SAMMSON: variants seen among roughly 807,000 people sequenced by gnomAD.
SAMMSON encodes long intergenic non-protein coding RNA 1212.
chr3:70,398,568 GA>G (rs1701111690), intron 2 of SAMMSON, among the ~76,000 whole-genome samples: 1 of 152,168 alleles, frequency 6.6e-6, no homozygotes, highest in African/African-American at 2.4e-5. Context: ...AGTTTAAGTA[GA>G]TAGAAGATAT....
intron 3 of SAMMSON, among the ~76,000 whole-genome samples, chr3:70,049,048 T>A (rs962248898): frequency 6.6e-6 from 1 of 152,142 alleles, no homozygotes; most frequent in Admixed American, 6.6e-5. Context: ...AGATAAAAGA[T>A]CAAAGAGACA....
intron 3 of SAMMSON, among the ~76,000 whole-genome samples, chr3:70,026,302 C>T (rs2067036770): frequency 1.3e-5 from 2 of 151,944 alleles, no homozygotes; most frequent in South Asian, 2.1e-4. Flanking sequence ...AGTTGTTAGC[C>T]GATTGAATAT....
intron 3 of SAMMSON, among the ~76,000 whole-genome samples, chr3:70,058,647 G>T (rs1041117808): frequency 6.6e-6 from 1 of 152,038 alleles, no homozygotes; most frequent in East Asian, 1.9e-4. Context: ...GATAATTGCA[G>T]TTATAAAATG....
intron 4 of SAMMSON, among the ~76,000 whole-genome samples, chr3:70,160,835 A>C (rs1353981197): frequency 6.6e-6 from 1 of 152,116 alleles, no homozygotes; most frequent in African/African-American, 2.4e-5. Context: ...GATATAGAAT[A>C]TCTCTCCATT....
intron 3 of SAMMSON, among the ~76,000 whole-genome samples, chr3:70,041,187 A>G (rs1156467550): frequency 1.3e-5 from 2 of 152,134 alleles, no homozygotes; most frequent in Non-Finnish European, 2.9e-5. Context: ...TGTCCAGTGT[A>G]AAAAGTTCCC....
At chr3:70,287,069 C>T (rs1187687237) in intron 6 of SAMMSON, among the ~76,000 whole-genome samples, 1 of 143,488 alleles carries the variant, frequency 7.0e-6, no homozygotes, top group Non-Finnish European at 1.5e-5. Context: ...TGCCTAATTG[C>T]CCTGGCCAGA....
intron 3 of SAMMSON, chr3:70,071,408 A>G (rs2067228994): frequency 6.6e-6 from 1 of 152,040 alleles, no homozygotes; most frequent in Admixed American, 6.6e-5. Flanking sequence ...TACACTATGT[A>G]TATTTTTCCA....
intron 6 of SAMMSON, among the ~76,000 whole-genome samples, chr3:70,256,720 C>T (rs4974264): frequency 0.99 from 151,227 of 152,314 alleles, 75,082 homozygotes; most frequent in Non-Finnish European, 1. Flanking sequence ...GATGGCATTA[C>T]TGGCCTTCTA....
intron 7 of SAMMSON, among the ~76,000 whole-genome samples, chr3:70,346,719 T>C (rs1486311929): frequency 1.3e-5 from 2 of 152,168 alleles, no homozygotes; most frequent in African/African-American, 4.8e-5. Context: ...AACATTTATA[T>C]TTTAAAATAT....
intron 7 of SAMMSON, among the ~76,000 whole-genome samples, chr3:70,314,892 A>G (rs1011579005): frequency 1.3e-5 from 2 of 152,150 alleles, no homozygotes; most frequent in Non-Finnish European, 2.9e-5. Flanking sequence ...TCATTTTTAT[A>G]TACTTGTATC....
At chr3:70,280,487 C>T (rs796586641) in intron 6 of SAMMSON, among the ~76,000 whole-genome samples, 3 of 152,292 alleles carry the variant, frequency 2.0e-5, no homozygotes, top group African/African-American at 4.8e-5. Context: ...TTCACCCTTG[C>T]CTCAAGCCCT....
chr3:70,096,963 G>T (rs993971398), intron 4 of SAMMSON, among the ~76,000 whole-genome samples: 1 of 152,190 alleles, frequency 6.6e-6, no homozygotes, highest in South Asian at 2.1e-4. Context: ...ATACAAATAC[G>T]ACCTGTGATC....
intron 3 of SAMMSON, among the ~76,000 whole-genome samples, chr3:70,026,246 A>G (rs1179693184): frequency 1.3e-5 from 2 of 152,172 alleles, no homozygotes; most frequent in Admixed American, 1.3e-4. Flanking sequence ...TTAACTTCTG[A>G]GAACAGGATT....
intron 6 of SAMMSON, among the ~76,000 whole-genome samples, chr3:70,255,843 T>G (rs900061615): frequency 1.3e-5 from 2 of 152,162 alleles, no homozygotes; most frequent in Non-Finnish European, 2.9e-5. Context: ...GATGGAAGCC[T>G]CCATAACTTT....
intron 4 of SAMMSON, among the ~76,000 whole-genome samples, chr3:70,183,046 T>C (rs1220198862): frequency 6.6e-6 from 1 of 152,212 alleles, no homozygotes. Flanking sequence ...CCTCCTCAGG[T>C]CTCTGGATTC....
chr3:70,139,621 T>A (rs1217026825), intron 4 of SAMMSON, among the ~76,000 whole-genome samples: 1 of 152,132 alleles, frequency 6.6e-6, no homozygotes, highest in Non-Finnish European at 1.5e-5. Context: ...CCTGGAGTGA[T>A]TGAGGAGTAC....
chr3:70,012,910 A>G (rs1206345237), intron 2 of SAMMSON, among the ~76,000 whole-genome samples: 2 of 152,108 alleles, frequency 1.3e-5, no homozygotes, highest in Admixed American at 6.6e-5. Flanking sequence ...ACAAGGAAGC[A>G]CCGTTCTTCC....
rs79634736 is a variant in SAMMSON at position 70,404,024 on chromosome 3, T to C, written n.233+45700T>C. Among the ~76,000 whole-genome samples the C allele has an allele frequency of 2.2e-4, 34 of 152,220 alleles. No homozygotes were observed. In the East Asian group the frequency reaches 6.4e-3, roughly 29 times the overall value. ...CAGTGTAGTCTCAGATATTTTTTCA[T>C]CAATTTTCAAAATACTGATTATATG... On this transcript the variant is annotated intron_variant and non_coding_transcript_variant, in intron 2 of 3. Transcript: ENST00000641053.
At chr3:70,116,310 T>TTTTTTTTTAA (rs2067411060) in intron 4 of SAMMSON, among the ~76,000 whole-genome samples, 1 of 150,336 alleles carries the variant, frequency 6.7e-6, no homozygotes. Flanking sequence ...TTTTTTTTTT[T>TTTTTTTTTAA]AAAGAAAATA....
Sources: gnomAD v4.1 joint callset for allele counts (sites outside exome capture counted in the v4.1 genomes callset) on GRCh38, gnomAD v4.1.1 for gene constraint, MANE v1.5 for transcripts, NCBI Gene and HGNC (gene_info 2026-07-23, HGNC 2026-07-21) for gene names.